ADCK2: variants seen among roughly 807,000 people sequenced by gnomAD.
ADCK2 encodes aarF domain containing kinase 2.
A neutral mutation model predicts 52.3 loss-of-function variants in ADCK2; 37 were observed. The observed-to-expected ratio is 0.71, with a 90% CI of 0.54 to 0.93. The LOEUF (loss-of-function observed/expected upper bound fraction) is 0.93, where lower values mean the gene tolerates loss of function less well. Among genes scored for constraint, ADCK2 ranks in the 40% least tolerant of loss-of-function variants. The pLI, the probability that ADCK2 is intolerant of heterozygous loss-of-function variation, is 0.00. For missense variants in ADCK2, 695 were observed against 798.7 expected (o/e 0.87, Z 1.56); for synonymous variants, 321 against 349.2 (o/e 0.92, Z 0.90).
At chr7:140,685,772 A>C (rs1003179471) in intron 4 of ADCK2, among the ~76,000 whole-genome samples, 1 of 152,096 alleles carries the variant, frequency 6.6e-6, no homozygotes, top group African/African-American at 2.4e-5. Flanking sequence ...GTCCACCAGC[A>C]GCTGCTCTGC....
At chr7:140,679,544 C>T (rs1276004811) in intron 3 of ADCK2, among the ~76,000 whole-genome samples, 1 of 151,896 alleles carries the variant, frequency 6.6e-6, no homozygotes, top group Non-Finnish European at 1.5e-5. Context: ...AGGATTGTCT[C>T]AGGAGTAAAT....
chr7:140,682,998 CAAAAAAAA>C (rs34792260), intron 4 of ADCK2, among the ~76,000 whole-genome samples: 9 of 54,972 alleles, frequency 1.6e-4, no homozygotes, highest in African/African-American at 3.9e-4. Context: ...GACTCTGTCT[CAAAAAAAA>C]AAAAAAAAAA....
chr7:140,694,757 A>G lies in ADCK2; in HGVS notation c.1835A>G (p.Glu612Gly), dbSNP rs1554491383. 1 of 1,613,934 alleles carries G rather than the reference A, an allele frequency of 6.2e-7. No individual in the cohort carries two copies. Among genetic ancestry groups the G allele is most frequent in the Non-Finnish European group, 8.5e-7 (1 of 1,179,926 alleles). ...RSLDPKLDIL[E>G]AARPFLLTGP... ...CTGGACCCCAAACTGGACATCCTGG[A>G]GGCAGCGAGGCCCTTCCTCCTCACG... Residue 612 changes from glutamate to glycine, a missense_variant, in exon 8 of 8, where the codon GAG (glutamate) becomes GGG (glycine). Physicochemically the swap from Glu to Gly is moderately conservative, Grantham distance 98. Transcript: ENST00000072869.
chr7:140,681,508 G>T (rs1794515731), intron 4 of ADCK2, among the ~76,000 whole-genome samples: 1 of 151,788 alleles, frequency 6.6e-6, no homozygotes, highest in Non-Finnish European at 1.5e-5. Context: ...TTTAAGTAGA[G>T]ATGGGGTTTC....
intron 2 of ADCK2, among the ~76,000 whole-genome samples, chr7:140,677,269 A>G (rs779321884): frequency 7.3e-5 from 11 of 151,640 alleles, no homozygotes; most frequent in Non-Finnish European, 1.5e-4. Flanking sequence ...TTAGCCGGGC[A>G]TGGTGGCACA....
chr7:140,681,029 G>C lies in ADCK2; in HGVS notation c.1210-13G>C, dbSNP rs371849723. 6.2e-6 allele frequency: 10 copies of C among 1,612,928 alleles called. No individual in the cohort carries two copies. Among genetic ancestry groups the C allele is most frequent in the Non-Finnish European group, 8.5e-6 (10 of 1,179,012 alleles). On this transcript the variant is annotated splice_polypyrimidine_tract_variant and intron_variant, in intron 3 of 7. Coordinates refer to ENST00000072869, the MANE Select transcript of ADCK2 (RefSeq NM_052853.4). ...GCTGGGATTAAGCTGTTCTCTCCCTGGTCTTTCTGAAGGAGAGTGTGCCTG... is the reference window on the plus strand; with the variant it reads ...GCTGGGATTAAGCTGTTCTCTCCCTCGTCTTTCTGAAGGAGAGTGTGCCTG...
chr7:140,684,760 C>G (rs546354513), intron 4 of ADCK2, among the ~76,000 whole-genome samples: 150 of 152,270 alleles, frequency 9.9e-4, no homozygotes, highest in African/African-American at 3.4e-3. Flanking sequence ...TGACACCACT[C>G]CAACCCTAAT....
intron 4 of ADCK2, among the ~76,000 whole-genome samples, chr7:140,682,615 A>C (rs947539246): frequency 2.6e-5 from 4 of 152,130 alleles, no homozygotes; most frequent in Non-Finnish European, 4.4e-5. Context: ...GAATTCCAAT[A>C]ATATTTAAAT....
chr7:140,687,833 G>T (rs1173635873), intron 5 of ADCK2, among the ~76,000 whole-genome samples: 1 of 151,746 alleles, frequency 6.6e-6, no homozygotes, highest in African/African-American at 2.4e-5. Flanking sequence ...AGCTAGGATT[G>T]CACTGCTCTA....
chr7:140,694,910 T>G lies in ADCK2; in HGVS notation c.*107T>G. 6.8e-7 allele frequency: 1 copy of G among 1,468,306 alleles called. No individual in the cohort carries two copies. The highest frequency in any genetic ancestry group is 9.0e-7 in the Non-Finnish European group (1 of 1,115,040). 91.0% of individuals were successfully genotyped at this position (1,468,306 alleles called of 1,614,324 possible). Reference sequence around the variant, plus strand: ...AAAATTGGGACACCAATTTCAAATGTAACCCTCCAGTGGTGGAAGGCACAC... The same window carrying G: ...AAAATTGGGACACCAATTTCAAATGGAACCCTCCAGTGGTGGAAGGCACAC... On this transcript the variant is annotated 3_prime_UTR_variant, in exon 8 of 8. Coordinates refer to ENST00000072869, the MANE Select transcript of ADCK2 (RefSeq NM_052853.4).
rs766793020 is a variant in ADCK2, at chr7:140,674,128, T to C, written c.798T>C (p.Asn266=). 2 of 1,613,892 alleles carry C rather than the reference T, an allele frequency of 1.2e-6. No homozygotes were observed. The highest frequency in any genetic ancestry group is 2.2e-5 in the South Asian group (2 of 91,066). The change falls in exon 1 of 8, where the codon AAT becomes AAC. Residue 266 remains asparagine, a synonymous_variant. Coordinates refer to ENST00000072869, the MANE Select transcript of ADCK2 (RefSeq NM_052853.4). This position sits in a 1 kb window ranked among gnomAD's most constrained non-coding sequence, Gnocchi z 4.6. ...YLGNGRKPPE[N]LADQSFLERL... ...GAAATGGCCGGAAACCTCCAGAAAA[T>C]CTCGCAGACCAGTCGTTTCTAGAAA...
intron 4 of ADCK2, among the ~76,000 whole-genome samples, chr7:140,685,286 TAA>T (rs1205697932): frequency 1.3e-5 from 2 of 151,772 alleles, no homozygotes; most frequent in Non-Finnish European, 2.9e-5. Context: ...CCGTCTCTAC[TAA>T]AAACACAAAA....
chr7:140,685,451 G>GA (rs5887982), intron 4 of ADCK2, among the ~76,000 whole-genome samples: 247 of 134,370 alleles, frequency 1.8e-3, no homozygotes, highest in Middle Eastern at 3.8e-3. Flanking sequence ...CTCAGTCTCA[G>GA]AAAAAAAAAA....
intron 3 of ADCK2, among the ~76,000 whole-genome samples, chr7:140,679,765 C>T (rs1209883111): frequency 6.8e-6 from 1 of 148,112 alleles, no homozygotes; most frequent in East Asian, 2.0e-4. Flanking sequence ...CTCCGCCTTC[C>T]AGGTTCAAGT....
In ADCK2 at chr7:140,687,056, G is replaced by C. The variant is rs372957490; in HGVS notation, c.1372G>C (p.Gly458Arg). ...AAACATCCTGGTTCAGGGTGCCAAC[G>C]GCCTGTCCTCGAGTCAGGAGGCGCA... ...PGNILVQGAN[G>R]LSSSQEAQLQ... Residue 458 changes from glycine to arginine, a missense_variant, in exon 5 of 8, where the codon GGC becomes CGC. By Grantham distance (125) the Gly-to-Arg change is moderately radical. Coordinates refer to ENST00000072869, the MANE Select transcript of ADCK2 (RefSeq NM_052853.4). The C allele has an allele frequency of 6.2e-7, 1 of 1,613,936 alleles. No individual in the cohort carries two copies. Among genetic ancestry groups the C allele is most frequent in the African/African-American group, 1.3e-5 (1 of 74,900 alleles).
chr7:140,689,707 C>T lies in ADCK2; in HGVS notation c.1668C>T (p.Asn556=), dbSNP rs144927279. 5 of 1,612,586 alleles carry T rather than the reference C, an allele frequency of 3.1e-6. No homozygotes were observed. The African/African-American group carries it at 5.3e-5, about 17-fold the overall frequency. The change falls in exon 6 of 8, where the codon AAC becomes AAT. Residue 556 remains asparagine, a synonymous_variant. Coordinates refer to ENST00000072869, the MANE Select transcript of ADCK2 (RefSeq NM_052853.4). ...TGCTGGTGACCCAGGCCAGGAAGAA[C>T]ACCATCACCCTGGAGAAGGTGGGCA... ...MAMLVTQARK[N]TITLEKLHVS...
intron 7 of ADCK2, among the ~76,000 whole-genome samples, chr7:140,692,605 T>C (rs1794727736): frequency 6.6e-6 from 1 of 152,236 alleles, no homozygotes; most frequent in East Asian, 1.9e-4. Flanking sequence ...GTGATCCACC[T>C]GCCTTGGCCT....
intron 7 of ADCK2, among the ~76,000 whole-genome samples, chr7:140,691,025 C>T (rs1794694952): frequency 6.6e-6 from 1 of 151,898 alleles, no homozygotes; most frequent in African/African-American, 2.4e-5. Flanking sequence ...TCCTGGCTTC[C>T]AGTGATTCTC....
At chr7:140,679,011 T>A (rs1304066417) in intron 2 of ADCK2, 144 bp from the exon 3 acceptor site, 34 of 1,047,684 alleles carry the variant, frequency 3.2e-5, no homozygotes, top group Non-Finnish European at 4.5e-5. Context: ...GGATGTCGCC[T>A]CCTGAGTTTC....
Sources: allele counts gnomAD v4.1 joint callset (sites outside exome capture counted in the v4.1 genomes callset), GRCh38; gene constraint gnomAD v4.1.1; non-coding constraint Gnocchi (gnomAD v3.1); transcripts MANE v1.5; gene names NCBI Gene and HGNC (gene_info 2026-07-23, HGNC 2026-07-21).